Variants in SLIT2 observed in about 807,000 individuals in gnomAD.
The protein encoded by SLIT2 is slit guidance ligand 2.
SLIT2 carries 41 observed loss-of-function variants against 185.7 expected under a neutral mutation model. The ratio of observed to expected loss-of-function variants is 0.22; its 90% CI spans 0.17 to 0.29. SLIT2 has a LOEUF of 0.29. Ranked by LOEUF, SLIT2 falls within the 10% of genes least tolerant of loss-of-function variation. SLIT2 has a pLI of 1.00. For synonymous variants in SLIT2, 693 were observed against 680.2 expected, an observed-to-expected ratio of 1.02 and a Z score of -0.29; for missense variants, 1,571 against 1,909.0, an observed-to-expected ratio of 0.82 and a Z score of 3.30.
intron 4 of SLIT2, among the ~76,000 whole-genome samples, chr4:20,449,581 G>T (rs2148711942): frequency 6.6e-6 from 1 of 152,104 alleles, no homozygotes; most frequent in Admixed American, 6.5e-5. Context: ...GCTAATTTTT[G>T]TATTTTTAGT....
rs1456743104 is a variant in SLIT2 at position 20,488,191 on chromosome 4, G to A, written c.612-628G>A. Among the ~76,000 whole-genome samples the A allele has an allele frequency of 2.6e-5, 4 of 152,160 alleles. No individual in the cohort carries two copies. The South Asian group carries it at 6.2e-4, about 24-fold the overall frequency. The stretch of plus-strand genomic sequence containing the variant: ...TTAATTCCTTCACTCCCAGACATTT[G>A]TGCCTTTTAATTTCAGTCCCTGCTC... On this transcript the variant is annotated intron_variant, in intron 7 of 36. Transcript: ENST00000504154.
chr4:20,568,594 A>G (rs1181522973), intron 28 of SLIT2, among the ~76,000 whole-genome samples: 3 of 152,076 alleles, frequency 2.0e-5, no homozygotes, highest in African/African-American at 7.2e-5. Context: ...ACCTGCAAAT[A>G]CAGTGGGTTT....
intron 4 of SLIT2, among the ~76,000 whole-genome samples, chr4:20,402,894 C>G (rs1305420850): frequency 1.3e-5 from 2 of 151,456 alleles, no homozygotes; most frequent in African/African-American, 4.8e-5. Context: ...TAGTGTATAG[C>G]TGTAAGATGA....
intron 4 of SLIT2, among the ~76,000 whole-genome samples, chr4:20,397,282 C>T (rs1436900755): frequency 2.0e-5 from 3 of 151,740 alleles, no homozygotes; most frequent in Non-Finnish European, 4.4e-5. Context: ...AGTTCATTGT[C>T]TTTGTTTCCC....
chr4:20,587,723 A>G (rs1302254771), intron 29 of SLIT2, among the ~76,000 whole-genome samples: 1 of 152,226 alleles, frequency 6.6e-6, no homozygotes, highest in Non-Finnish European at 1.5e-5. Flanking sequence ...TTAGGAGCAG[A>G]GTCCATTACA....
chr4:20,616,186 G>T (rs1458239363), intron 34 of SLIT2: 3 of 152,204 alleles, frequency 2.0e-5, no homozygotes, highest in Admixed American at 2.0e-4. Flanking sequence ...GTCCTGAAAA[G>T]AATCAGGAGT....
intron 12 of SLIT2, 65 bp downstream of exon 12, chr4:20,519,518 A>G (rs1720627775): frequency 5.1e-6 from 5 of 979,158 alleles, no homozygotes; most frequent in Non-Finnish European, 7.9e-6. Context: ...TTGTTGTCTC[A>G]TATTTTTATG....
chr4:20,439,654 G>A (rs1729597542), intron 4 of SLIT2, among the ~76,000 whole-genome samples: 1 of 152,176 alleles, frequency 6.6e-6, no homozygotes, highest in Admixed American at 6.5e-5. Context: ...CAAGTCAAGT[G>A]ATGTGAATTG....
intron 5 of SLIT2, among the ~76,000 whole-genome samples, chr4:20,473,986 G>A (rs921267796): frequency 1.3e-5 from 2 of 151,766 alleles, no homozygotes; most frequent in Non-Finnish European, 2.9e-5. Context: ...GTACATGTCC[G>A]TGCCCCTAGC....
At chr4:20,503,603 G>A (rs1718936571) in intron 9 of SLIT2, among the ~76,000 whole-genome samples, 1 of 152,072 alleles carries the variant, frequency 6.6e-6, no homozygotes, top group Non-Finnish European at 1.5e-5. Flanking sequence ...TGCATCTATT[G>A]AGTGTATCTT....
At chr4:20,322,762 C>G (rs1443051488) in intron 4 of SLIT2, among the ~76,000 whole-genome samples, 1 of 152,072 alleles carries the variant, frequency 6.6e-6, no homozygotes, top group Non-Finnish European at 1.5e-5. Flanking sequence ...CATTTTAATT[C>G]CCCGCAGTGT....
chr4:20,392,339 A>G (rs1035238490), intron 4 of SLIT2: 6 of 152,048 alleles, frequency 3.9e-5, no homozygotes, highest in Non-Finnish European at 7.4e-5. Flanking sequence ...GATTTTTTTA[A>G]AAAGGTACAC....
chr4:20,591,754 G>A (rs942646839), intron 30 of SLIT2, among the ~76,000 whole-genome samples: 2 of 151,694 alleles, frequency 1.3e-5, no homozygotes, highest in African/African-American at 4.8e-5. Context: ...AGCTAGTAAG[G>A]AAAGTTTTCC....
At chr4:20,324,907 C>T (rs1719428468) in intron 4 of SLIT2, among the ~76,000 whole-genome samples, 1 of 152,008 alleles carries the variant, frequency 6.6e-6, no homozygotes, top group Admixed American at 6.6e-5. Context: ...GCAAAAACTG[C>T]AATTATTTTT....
chr4:20,475,746 T>A (rs1049523964), intron 5 of SLIT2, among the ~76,000 whole-genome samples: 4 of 152,150 alleles, frequency 2.6e-5, no homozygotes, highest in Non-Finnish European at 5.9e-5. Flanking sequence ...CCACTTTTGA[T>A]TAGTTCACTT....
intron 18 of SLIT2, among the ~76,000 whole-genome samples, chr4:20,537,182 G>A (rs1722371668): frequency 6.6e-6 from 1 of 152,118 alleles, no homozygotes; most frequent in African/African-American, 2.4e-5. Context: ...TGTCATTATG[G>A]AGTATTATGT....
chr4:20,288,865 G>C (rs551473494), intron 4 of SLIT2, among the ~76,000 whole-genome samples: 2 of 152,334 alleles, frequency 1.3e-5, no homozygotes, highest in South Asian at 4.1e-4. Flanking sequence ...TTCATAGTCA[G>C]TGAGAGAGAG....
rs557398590 is a variant in SLIT2, at chr4:20,387,987, C to CAT, written c.396-79765_396-79764insAT. Among the ~76,000 whole-genome samples, 87 of 149,632 alleles carry CAT rather than the reference C, an allele frequency of 5.8e-4. No individual in the cohort carries two copies. The South Asian group carries it at 0.015, about 25-fold the overall frequency. On this transcript the variant is annotated intron_variant, in intron 4 of 36. Coordinates refer to ENST00000504154, the MANE Select transcript of SLIT2 (RefSeq NM_004787.4). ...TAATAAACTAAAAAACAAAAAAACA[C>CAT]GTTTCATCTCTATACATGTAGAAAA...
chr4:20,555,817 G>GA (rs1202810286), intron 26 of SLIT2, among the ~76,000 whole-genome samples: 11 of 151,510 alleles, frequency 7.3e-5, no homozygotes, highest in Non-Finnish European at 8.8e-5. Flanking sequence ...TTTATAAAAG[G>GA]AAAAAAACAA....
Sources: gnomAD v4.1 joint callset for allele counts (sites outside exome capture counted in the v4.1 genomes callset) on GRCh38, gnomAD v4.1.1 for gene constraint, MANE v1.5 for transcripts, NCBI Gene and HGNC (gene_info 2026-07-23, HGNC 2026-07-21) for gene names.